GALNT12: variants seen among roughly 807,000 people sequenced by gnomAD.
GALNT12 encodes the protein UDP-GalNAc:polypeptide N-acetylgalactosaminyltransferase 12.
In GALNT12, 45 loss-of-function variants were observed where a neutral mutation model predicts 55.5. The observed-to-expected ratio is 0.81, with a 90% CI of 0.64 to 1.04. The LOEUF (loss-of-function observed/expected upper bound fraction) is 1.04. GALNT12 is among the 50% of genes least tolerant of loss of function. The pLI, the probability that GALNT12 is intolerant of heterozygous loss-of-function variation, is 0.00. For missense variants in GALNT12, 709 were observed against 754.8 expected, an observed-to-expected ratio of 0.94 and a Z score of 0.71; for synonymous variants, 304 against 312.2, an observed-to-expected ratio of 0.97 and a Z score of 0.28.
Position 98,839,992 on chromosome 9 carries a change from GT to G in GALNT12, c.1213-6del. The G allele has an allele frequency of 6.2e-7, 1 of 1,614,038 alleles. No individual in the cohort carries two copies. The highest frequency in any genetic ancestry group is 8.5e-7 in the Non-Finnish European group (1 of 1,179,954). ...ACCCATGGGGTCTCACTGTTTTGTT[GT>G]TTTCTCAGGAACCTTTTGGGGATGT... is the stretch of plus-strand genomic sequence containing the variant. On this transcript the variant is annotated splice_polypyrimidine_tract_variant and intron_variant, in intron 6 of 9. Coordinates refer to ENST00000375011, the MANE Select transcript of GALNT12 (RefSeq NM_024642.5).
chr9:98,821,576 G>T (rs1835739428), intron 1 of GALNT12, among the ~76,000 whole-genome samples: 1 of 136,098 alleles, frequency 7.3e-6, no homozygotes, highest in African/African-American at 2.6e-5. Flanking sequence ...AGTGAGCCGA[G>T]ATCGTGCCAC....
In GALNT12 at chr9:98,823,227, G is replaced by A. The variant is rs755229187; in HGVS notation, c.372-29G>A. 5 of 1,611,546 alleles carry A rather than the reference G, an allele frequency of 3.1e-6. No homozygotes were observed. In the Admixed American group the frequency reaches 5.0e-5, roughly 16 times the overall value. On this transcript the variant is annotated intron_variant, in intron 1 of 9. Transcript: ENST00000375011. ...CCAGTGCCAGCCTGGGCTAGATCCT[G>A]AGTTCCTGAAGTTCCGCTGTATTTG...
chr9:98,834,914 G>A lies in GALNT12; in HGVS notation c.918-335G>A, dbSNP rs561067531. On this transcript the variant is annotated intron_variant, in intron 4 of 9. Transcript: ENST00000375011. ...TCTTCTTCTTGGCTAACTGTCCTTT[G>A]TCCTGCAGACCTTGCTTCCTCCAGG... 2.0e-5 allele frequency among the ~76,000 whole-genome samples: 3 copies of A among 152,126 alleles called. No individual in the cohort carries two copies. In the South Asian group the frequency reaches 6.2e-4, roughly 32 times the overall value.
At chr9:98,839,900 T>A in intron 6 of GALNT12, 102 bp from the exon 7 acceptor site, 1 of 1,468,782 alleles carries the variant, frequency 6.8e-7, no homozygotes, top group Non-Finnish European at 9.5e-7. Flanking sequence ...GAATGCTCCA[T>A]CAAAGCTGGC....
chr9:98,812,532 C>T (rs1835516967), intron 1 of GALNT12, among the ~76,000 whole-genome samples: 1 of 152,188 alleles, frequency 6.6e-6, no homozygotes, highest in African/African-American at 2.4e-5. Flanking sequence ...CTGGAGGTTG[C>T]AGTGAGCCAA....
intron 1 of GALNT12, among the ~76,000 whole-genome samples, chr9:98,812,185 T>C (rs1162068769): frequency 6.6e-6 from 1 of 152,166 alleles, no homozygotes; most frequent in African/African-American, 2.4e-5. Flanking sequence ...CCACAGAACA[T>C]GTTCAATTTC....
rs758204776 is a variant in GALNT12 at position 98,823,295 on chromosome 9, G to A, written c.411G>A (p.Arg137=). Residue 137 remains arginine (R), a synonymous_variant, in exon 2 of 10, where the codon AGG becomes AGA. Coordinates refer to ENST00000375011, the MANE Select transcript of GALNT12 (RefSeq NM_024642.5). The part of the protein sequence containing the change: ...EKKYDYDNLP[R]TSVIIAFYNE... ...AATATGATTATGATAATTTGCCCAG[G>A]ACATCTGTTATCATAGCATTTTATA... 19 of 1,614,044 alleles carry A rather than the reference G, an allele frequency of 1.2e-5. No homozygotes were observed. The highest frequency in any genetic ancestry group is 2.7e-5 in the African/African-American group (2 of 74,928).
intron 5 of GALNT12, among the ~76,000 whole-genome samples, chr9:98,836,565 T>C (rs566780520): frequency 1.3e-5 from 2 of 152,030 alleles, no homozygotes; most frequent in South Asian, 4.2e-4. Flanking sequence ...TACCTGTTTC[T>C]AGACGCTCTT....
intron 9 of GALNT12, among the ~76,000 whole-genome samples, chr9:98,846,588 A>C (rs1286757330): frequency 6.6e-6 from 1 of 152,178 alleles, no homozygotes; most frequent in Non-Finnish European, 1.5e-5. Context: ...GGCCAGGCAC[A>C]GTGGCTGACG....
At chr9:98,823,172 A>G in intron 1 of GALNT12, 84 bp from the exon 2 acceptor site, 5 of 1,259,102 alleles carry the variant, frequency 4.0e-6, no homozygotes, top group Non-Finnish European at 5.8e-6. Flanking sequence ...GCAGGGGACC[A>G]TGACCTATGT....
At chr9:98,813,580 C>T (rs1167481518) in intron 1 of GALNT12, among the ~76,000 whole-genome samples, 5 of 152,072 alleles carry the variant, frequency 3.3e-5, no homozygotes, top group Non-Finnish European at 5.9e-5. Context: ...TCACTGCAAC[C>T]TCCACCTCCT....
chr9:98,825,637 C>A (rs1398047409), intron 2 of GALNT12, among the ~76,000 whole-genome samples: 1 of 152,198 alleles, frequency 6.6e-6, no homozygotes, highest in Non-Finnish European at 1.5e-5. Context: ...AAATTACCTG[C>A]CTTATTCCTG....
intron 1 of GALNT12, among the ~76,000 whole-genome samples, chr9:98,810,391 G>A (rs1390401764): frequency 6.6e-6 from 1 of 152,080 alleles, no homozygotes; most frequent in Non-Finnish European, 1.5e-5. Flanking sequence ...CCCTTTTTGG[G>A]TGGGGATGAT....
At chr9:98,832,280 G>A (rs906255399) in intron 4 of GALNT12, among the ~76,000 whole-genome samples, 2 of 152,102 alleles carry the variant, frequency 1.3e-5, no homozygotes, top group East Asian at 3.9e-4. Context: ...AGTACTTTGG[G>A]AAGCCAAGGT....
chr9:98,826,754 C>T lies in GALNT12; in HGVS notation c.544C>T (p.His182Tyr), dbSNP rs1835864292. 1.9e-6 allele frequency: 3 copies of T among 1,610,748 alleles called. No homozygotes were observed. The highest frequency in any genetic ancestry group is 1.7e-5 in the Admixed American group (1 of 59,866). Residue 182 changes from histidine to tyrosine, a missense_variant and splice_region_variant, in exon 3 of 10, where the codon CAC becomes TAC. Physicochemically the swap from His to Tyr is moderately conservative, Grantham distance 83. This residue lies in a region of GALNT12 where 315 missense variants were observed against 288.6 expected (regional missense o/e 1.09). Transcript: ENST00000375011. ...ILVDDYSDRE[H>Y]LKERLANELS... ...TGTTGCTTTGTTTGCCTCCCTAGAG[C>T]ACCTGAAGGAGCGCTTGGCCAATGA...
chr9:98,811,802 C>G (rs1207621365), intron 1 of GALNT12, among the ~76,000 whole-genome samples: 1 of 151,680 alleles, frequency 6.6e-6, no homozygotes. Context: ...CCTGCCTCAG[C>G]CTCCCGAGTA....
At chr9:98,847,596 T>C (rs1176010277) in intron 9 of GALNT12, 1 of 152,200 alleles carries the variant, frequency 6.6e-6, no homozygotes, top group Admixed American at 6.5e-5. Flanking sequence ...AGAAGGATAC[T>C]GAATTGGATT....
chr9:98,827,978 A>G (rs1258084687), intron 3 of GALNT12, among the ~76,000 whole-genome samples: 1 of 151,742 alleles, frequency 6.6e-6, no homozygotes, highest in Non-Finnish European at 1.5e-5. Flanking sequence ...TTTCCTCCCC[A>G]TGCTCTGCCT....
chr9:98,842,647 C>T (rs1836318052), intron 7 of GALNT12, among the ~76,000 whole-genome samples: 1 of 152,084 alleles, frequency 6.6e-6, no homozygotes, highest in African/African-American at 2.4e-5. Flanking sequence ...CCTGCCATTC[C>T]TCCCAGAAGC....
Sources: allele counts gnomAD v4.1 joint callset (sites outside exome capture counted in the v4.1 genomes callset), GRCh38; gene constraint gnomAD v4.1.1; regional missense constraint gnomAD v4.1.1; transcripts MANE v1.5; gene names NCBI Gene and HGNC (gene_info 2026-07-23, HGNC 2026-07-21).